Variants in SNX29 observed in about 807,000 individuals in gnomAD.
The protein encoded by SNX29 is sorting nexin 29, also known as sorting nexin-29.
Under a neutral mutation model 102.1 loss-of-function variants are expected in SNX29, and 78 were observed. The ratio of observed to expected loss-of-function variants is 0.76; its 90% CI spans 0.64 to 0.92. The LOEUF is 0.92. Among genes scored for constraint, SNX29 ranks in the 40% least tolerant of loss-of-function variants. The pLI, the probability that SNX29 is intolerant of heterozygous loss-of-function variation, is 0.00. For synonymous variants in SNX29, 580 were observed against 414.5 expected, an observed-to-expected ratio of 1.40 and a Z score of -4.85; for missense variants, 1,280 against 1,061.7, an observed-to-expected ratio of 1.21 and a Z score of -2.86.
intron 14 of SNX29, among the ~76,000 whole-genome samples, chr16:12,226,329 T>C (rs80184265): frequency 2.0e-5 from 3 of 152,212 alleles, no homozygotes; most frequent in Admixed American, 6.5e-5. Flanking sequence ...AATGTTCTTA[T>C]GATTTTTTAA....
chr16:12,542,612 G>A (rs771404071), intron 20 of SNX29, among the ~76,000 whole-genome samples: 18 of 152,336 alleles, frequency 1.2e-4, no homozygotes, highest in African/African-American at 2.9e-4. Flanking sequence ...GATTACAGGC[G>A]TGAGCCACGG....
intron 5 of SNX29, 62 bp from the exon 6 acceptor site, chr16:12,046,322 C>T: frequency 2.6e-6 from 4 of 1,563,462 alleles, no homozygotes; most frequent in Non-Finnish European, 3.5e-6. Flanking sequence ...ATGGAATTTC[C>T]TGGTTAATGG....
At chr16:12,115,485 T>TTGTGTGTG (rs3222983) in intron 11 of SNX29, among the ~76,000 whole-genome samples, 6,602 of 141,876 alleles carry the variant, frequency 0.047, 160 homozygotes, top group African/African-American at 0.068. Context: ...CCACCTTGAT[T>TTGTGTGTG]TGTGTGTGTG....
chr16:12,543,180 G>T (rs2077421685), intron 20 of SNX29, among the ~76,000 whole-genome samples: 2 of 152,196 alleles, frequency 1.3e-5, no homozygotes, highest in Non-Finnish European at 2.9e-5. Flanking sequence ...TCCTGTAGAA[G>T]TCCTAGGAAA....
At chr16:12,380,995 A>C (rs548162700) in intron 16 of SNX29, among the ~76,000 whole-genome samples, 8 of 47,050 alleles carry the variant, frequency 1.7e-4, no homozygotes, top group Admixed American at 2.4e-4. Context: ...CCATCCACCC[A>C]CCCACCATCC....
chr16:12,549,905 G>C (rs1029112266), intron 20 of SNX29, among the ~76,000 whole-genome samples: 3 of 152,232 alleles, frequency 2.0e-5, no homozygotes, highest in African/African-American at 4.8e-5. Context: ...GAAAATGATG[G>C]CCCACAGGCC....
intron 3 of SNX29, among the ~76,000 whole-genome samples, chr16:12,022,741 T>C (rs1339425524): frequency 2.6e-5 from 4 of 152,142 alleles, no homozygotes; most frequent in African/African-American, 9.7e-5. Context: ...AAGTCATAAA[T>C]TGAACCATGG....
At chr16:12,496,400 C>T (rs1015879362) in intron 19 of SNX29, among the ~76,000 whole-genome samples, 14 of 151,890 alleles carry the variant, frequency 9.2e-5, no homozygotes, top group African/African-American at 2.2e-4. Flanking sequence ...CACGCTTCCT[C>T]GTTGCAACCA....
intron 20 of SNX29, among the ~76,000 whole-genome samples, chr16:12,544,572 G>A (rs1399838394): frequency 6.6e-6 from 1 of 152,204 alleles, no homozygotes; most frequent in Non-Finnish European, 1.5e-5. Flanking sequence ...TGGATTCATT[G>A]TTCTGCAGGC....
chr16:12,272,442 C>T (rs1408670392), intron 14 of SNX29, among the ~76,000 whole-genome samples: 2 of 152,210 alleles, frequency 1.3e-5, no homozygotes, highest in African/African-American at 2.4e-5. Flanking sequence ...GTATTAGCAC[C>T]AGGCTCTGCT....
intron 19 of SNX29, among the ~76,000 whole-genome samples, chr16:12,481,081 A>G (rs182617300): frequency 1.7e-4 from 26 of 152,238 alleles, no homozygotes; most frequent in Admixed American, 1.6e-3. Flanking sequence ...CCTTTCTCCT[A>G]TGAAGCCTGT....
intron 13 of SNX29, among the ~76,000 whole-genome samples, chr16:12,186,157 G>A (rs927916040): frequency 6.6e-6 from 1 of 152,056 alleles, no homozygotes; most frequent in South Asian, 2.1e-4. Flanking sequence ...CCCTTACCAC[G>A]TGGGCCATTA....
At position 12,554,359 on chromosome 16, in the gene SNX29, C is replaced by G. The variant is rs539406538; in HGVS notation, c.2319-14147C>G. Among the ~76,000 whole-genome samples, 3 of 138,690 alleles carry G rather than the reference C, an allele frequency of 2.2e-5. No homozygotes were observed. In the South Asian group the frequency reaches 7.6e-4, roughly 35 times the overall value. The allele number at this position is 138,690 out of a possible 152,430, so 91.0% of individuals were successfully genotyped here. A position where few individuals can be genotyped will look rare whatever the true frequency, so the allele number is the denominator to read the frequency against. ...TTTTGTTCTGTAGCTTTTCCCTTAC[C>G]TGTGTCTTGAAGGTGTTTCTGTGCC... is the stretch of plus-strand genomic sequence containing the variant. On this transcript the variant is annotated intron_variant, in intron 20 of 20. Transcript: ENST00000566228.
rs540838704 is a variant in SNX29 at position 12,469,277 on chromosome 16, C to T, written c.2038-8442C>T. ...CTTGGCATTTGGCTGCAATAATATC[C>T]GTCTATCGGCATGGCCATACAATAA... On this transcript the variant is annotated intron_variant, in intron 18 of 20. Coordinates refer to ENST00000566228, the MANE Select transcript of SNX29 (RefSeq NM_032167.5). Among the ~76,000 whole-genome samples, 16 of 152,300 alleles carry T rather than the reference C, an allele frequency of 1.1e-4. No individual in the cohort carries two copies. The South Asian group carries it at 1.4e-3, about 14-fold the overall frequency.
chr16:12,058,803 T>G (rs1232531130), intron 8 of SNX29, among the ~76,000 whole-genome samples: 3 of 139,542 alleles, frequency 2.1e-5, no homozygotes. Flanking sequence ...CTGGGTTTTT[T>G]TTTTTTTTTT....
At chr16:12,205,249 C>T (rs2077015781) in intron 14 of SNX29, among the ~76,000 whole-genome samples, 1 of 152,192 alleles carries the variant, frequency 6.6e-6, no homozygotes, top group African/African-American at 2.4e-5. Flanking sequence ...GTTTCCACTC[C>T]CACTGTGCAC....
intron 1 of SNX29, among the ~76,000 whole-genome samples, chr16:11,986,734 G>A (rs569417277): frequency 6.6e-6 from 1 of 152,316 alleles, no homozygotes; most frequent in South Asian, 2.1e-4. Context: ...GGCGTTTCCT[G>A]TGAAGGGCCA....
At chr16:12,194,415 C>T (rs559923245) in intron 13 of SNX29, among the ~76,000 whole-genome samples, 1 of 152,200 alleles carries the variant, frequency 6.6e-6, no homozygotes, top group East Asian at 1.9e-4. Flanking sequence ...ATGGTCATGT[C>T]TCTTGTGAAG....
At chr16:12,389,784 C>G (rs960111084) in intron 16 of SNX29, among the ~76,000 whole-genome samples, 5 of 150,716 alleles carry the variant, frequency 3.3e-5, no homozygotes, top group Non-Finnish European at 5.9e-5. Context: ...TCCTGGAAAC[C>G]CTGGGACCTG....
Sources: allele counts gnomAD v4.1 joint callset (sites outside exome capture counted in the v4.1 genomes callset), GRCh38; gene constraint gnomAD v4.1.1; transcripts MANE v1.5; gene names NCBI Gene and HGNC (gene_info 2026-07-23, HGNC 2026-07-21).